GALNTL6: variants seen among roughly 807,000 people sequenced by gnomAD.
GALNTL6 encodes polypeptide N-acetylgalactosaminyltransferase like 6, also known as polypeptide N-acetylgalactosaminyltransferase-like 6.
GALNTL6 carries 46 observed loss-of-function variants against 73.7 expected under a neutral mutation model. That is an observed-to-expected ratio of 0.62 (90% CI 0.49 to 0.80). The LOEUF (loss-of-function observed/expected upper bound fraction) is 0.80, where lower values mean the gene tolerates loss of function less well. GALNTL6 is among the 30% of genes least tolerant of loss of function. The pLI, the probability that GALNTL6 is intolerant of heterozygous loss-of-function variation, is 0.00. For synonymous variants in GALNTL6, 259 were observed against 263.7 expected (o/e 0.98, Z 0.17); for missense variants, 604 against 755.0 (o/e 0.80, Z 2.34).
At chr4:172,259,376 A>G (rs1738180732) in intron 3 of GALNTL6, among the ~76,000 whole-genome samples, 1 of 148,952 alleles carries the variant, frequency 6.7e-6, no homozygotes, top group South Asian at 2.1e-4. Flanking sequence ...AGCTTTTTTT[A>G]TGTTTGTCGG....
intron 5 of GALNTL6, among the ~76,000 whole-genome samples, chr4:172,584,336 T>C (rs1737320316): frequency 6.6e-6 from 1 of 151,798 alleles, no homozygotes; most frequent in African/African-American, 2.4e-5. Context: ...AGAAAGAAGG[T>C]TTAAGAAACA....
chr4:172,346,991 T>TC (rs1316402551), intron 4 of GALNTL6, among the ~76,000 whole-genome samples: 217 of 144,026 alleles, frequency 1.5e-3, no homozygotes, highest in Non-Finnish European at 2.7e-3. Context: ...TTTCTTTCTT[T>TC]TTTTTTTTTT....
chr4:172,304,846 C>T (rs7668181), intron 3 of GALNTL6, among the ~76,000 whole-genome samples: 122,513 of 152,036 alleles, frequency 0.81, 49,947 homozygotes, highest in Non-Finnish European at 0.87. Context: ...CCGTACTTAA[C>T]ACAAAAACTA....
At chr4:172,062,751 C>T (rs1731248587) in intron 2 of GALNTL6, among the ~76,000 whole-genome samples, 1 of 152,154 alleles carries the variant, frequency 6.6e-6, no homozygotes, top group Non-Finnish European at 1.5e-5. Flanking sequence ...TCCATGAAAT[C>T]AGTGATGTTG....
At chr4:172,371,445 G>A (rs940925900) in intron 5 of GALNTL6, among the ~76,000 whole-genome samples, 13 of 152,342 alleles carry the variant, frequency 8.5e-5, no homozygotes, top group African/African-American at 2.2e-4. Flanking sequence ...GGAGAAGACC[G>A]TCAATTATCA....
intron 5 of GALNTL6, among the ~76,000 whole-genome samples, chr4:172,482,087 G>A (rs1039556824): frequency 3.3e-5 from 5 of 152,188 alleles, no homozygotes; most frequent in Admixed American, 6.5e-5. Context: ...TGGGGGACCC[G>A]GCGCCCCCTC....
At chr4:172,781,464 C>G (rs911035138) in intron 5 of GALNTL6, among the ~76,000 whole-genome samples, 1 of 152,040 alleles carries the variant, frequency 6.6e-6, no homozygotes. Context: ...ATATCCAGAT[C>G]GGTGCATTTT....
chr4:172,684,063 C>A (rs1732782665), intron 5 of GALNTL6, among the ~76,000 whole-genome samples: 1 of 152,136 alleles, frequency 6.6e-6, no homozygotes, highest in African/African-American at 2.4e-5. Flanking sequence ...GCTGTCCATT[C>A]CTTATTAAAT....
chr4:171,843,036 T>G (rs11132917), intron 2 of GALNTL6, among the ~76,000 whole-genome samples: 83,018 of 151,888 alleles, frequency 0.55, 24,503 homozygotes, highest in Non-Finnish European at 0.65. Context: ...CGTGCACTTT[T>G]TAGACCATTT....
At chr4:172,242,011 T>C (rs1303155995) in intron 3 of GALNTL6, among the ~76,000 whole-genome samples, 1 of 152,200 alleles carries the variant, frequency 6.6e-6, no homozygotes, top group African/African-American at 2.4e-5. Context: ...AAAGAGAATG[T>C]ACATTTTGAT....
chr4:172,845,193 G>A (rs1382644077), intron 7 of GALNTL6, among the ~76,000 whole-genome samples: 1 of 144,916 alleles, frequency 6.9e-6, no homozygotes, highest in Non-Finnish European at 1.5e-5. Context: ...ACTCCAGCCT[G>A]GTGGCAGAGC....
At chr4:171,925,293 C>T (rs1019193057) in intron 2 of GALNTL6, among the ~76,000 whole-genome samples, 7 of 151,848 alleles carry the variant, frequency 4.6e-5, no homozygotes, top group Non-Finnish European at 2.9e-5. Context: ...GTAGAAATTC[C>T]GATTAAAATA....
intron 2 of GALNTL6, among the ~76,000 whole-genome samples, chr4:171,935,298 A>T (rs141189548): frequency 7.5e-4 from 114 of 152,334 alleles, no homozygotes; most frequent in African/African-American, 2.6e-3. Flanking sequence ...TTGGCCCTGT[A>T]TAACAATATA....
intron 5 of GALNTL6, among the ~76,000 whole-genome samples, chr4:172,616,274 A>G (rs950859722): frequency 2.0e-5 from 3 of 152,154 alleles, no homozygotes; most frequent in Admixed American, 6.5e-5. Context: ...TCAATCGTCT[A>G]TTGTAACCAA....
intron 3 of GALNTL6, among the ~76,000 whole-genome samples, chr4:172,290,097 C>G (rs1035663964): frequency 7.2e-5 from 11 of 152,072 alleles, no homozygotes; most frequent in African/African-American, 2.7e-4. Flanking sequence ...GGAAAGAAAA[C>G]CATTGCAACT....
chr4:172,847,254 T>C (rs537319138), intron 7 of GALNTL6, among the ~76,000 whole-genome samples: 103 of 152,328 alleles, frequency 6.8e-4, no homozygotes, highest in African/African-American at 2.4e-3. Context: ...TCACGCTTAT[T>C]TGAGTTCTTA....
At position 171,865,066 on chromosome 4, in the gene GALNTL6, A is replaced by C. The variant is rs551770108; in HGVS notation, c.138+50348A>C. Among the ~76,000 whole-genome samples the C allele has an allele frequency of 9.9e-5, 15 of 151,648 alleles. No homozygotes were observed. The East Asian group carries it at 2.9e-3, about 30-fold the overall frequency. The stretch of plus-strand genomic sequence containing the variant: ...AAGACTGAGGCAGTAGAATCTCTTG[A>C]CCCCGGGAGGCGGAGATTGCCGTGA... On this transcript the variant is annotated intron_variant, in intron 2 of 12. Coordinates refer to ENST00000506823, the MANE Select transcript of GALNTL6 (RefSeq NM_001034845.3).
intron 2 of GALNTL6, among the ~76,000 whole-genome samples, chr4:172,225,916 A>G (rs1482916244): frequency 6.6e-6 from 1 of 152,188 alleles, no homozygotes; most frequent in Non-Finnish European, 1.5e-5. Flanking sequence ...TTATTAAAGC[A>G]GTTTCAGATG....
chr4:172,957,672 G>A (rs1749814874), intron 10 of GALNTL6, among the ~76,000 whole-genome samples: 1 of 152,234 alleles, frequency 6.6e-6, no homozygotes, highest in Non-Finnish European at 1.5e-5. Context: ...GGACACTTGT[G>A]TAGTGAGAAA....
Sources: gnomAD v4.1 joint callset for allele counts (sites outside exome capture counted in the v4.1 genomes callset) on GRCh38, gnomAD v4.1.1 for gene constraint, MANE v1.5 for transcripts, NCBI Gene and HGNC (gene_info 2026-07-23, HGNC 2026-07-21) for gene names.